The following MAN2A1 variants were observed in gnomAD, a reference collection of about 807,000 sequenced individuals.
MAN2A1 encodes the protein alpha-mannosidase 2.
In MAN2A1, 76 loss-of-function variants were observed where a neutral mutation model predicts 142.6. The observed-to-expected ratio is 0.53, with a 90% CI of 0.44 to 0.65. The LOEUF (loss-of-function observed/expected upper bound fraction) is 0.65. Ranked by LOEUF, MAN2A1 falls within the 30% of genes least tolerant of loss-of-function variation. The pLI is 0.00. For synonymous variants in MAN2A1, 559 were observed against 473.2 expected (o/e 1.18, Z -2.35); for missense variants, 1,311 against 1,365.1 (o/e 0.96, Z 0.62).
At chr5:109,864,274 T>G (rs1008159246) in intron 20 of MAN2A1, 1 of 152,222 alleles carries the variant, frequency 6.6e-6, no homozygotes, top group Non-Finnish European at 1.5e-5. Context: ...CAAAATTTAT[T>G]AAGATAATTG....
At chr5:109,813,997 G>T (rs17162292) in intron 12 of MAN2A1, among the ~76,000 whole-genome samples, 12,833 of 152,156 alleles carry the variant, frequency 0.084, 639 homozygotes, top group African/African-American at 0.15. Flanking sequence ...GTTTTTCCTT[G>T]TATATGGAGA....
chr5:109,866,842 T>A lies in MAN2A1; in HGVS notation c.3283-4T>A. The A allele has an allele frequency of 6.3e-7, 1 of 1,588,780 alleles. No homozygotes were observed. Among genetic ancestry groups the A allele is most frequent in the South Asian group, 1.1e-5 (1 of 88,278 alleles). ...ATATGTAAATTTTATCATTTACTTTTCAGATATTGGTACAGAAACTTTTAA... is the reference window on the plus strand; with the variant it reads ...ATATGTAAATTTTATCATTTACTTTACAGATATTGGTACAGAAACTTTTAA... On this transcript the variant is annotated splice_region_variant and splice_polypyrimidine_tract_variant and intron_variant, in intron 21 of 21. Transcript: ENST00000261483.
intron 5 of MAN2A1, among the ~76,000 whole-genome samples, chr5:109,762,207 A>G (rs980510873): frequency 6.6e-6 from 1 of 152,092 alleles, no homozygotes; most frequent in Non-Finnish European, 1.5e-5. Flanking sequence ...CTTCTCTACA[A>G]CTTTTGTATC....
intron 12 of MAN2A1, among the ~76,000 whole-genome samples, chr5:109,803,814 T>C (rs902299968): frequency 1.3e-5 from 2 of 152,124 alleles, no homozygotes; most frequent in African/African-American, 4.8e-5. Flanking sequence ...GCTATTGCTG[T>C]AGCACCAACA....
chr5:109,744,562 A>G (rs1441937973), intron 4 of MAN2A1, among the ~76,000 whole-genome samples: 1 of 152,148 alleles, frequency 6.6e-6, no homozygotes, highest in East Asian at 1.9e-4. Context: ...CAAAACTTCT[A>G]GAAGATACTG....
intron 4 of MAN2A1, among the ~76,000 whole-genome samples, chr5:109,743,096 T>TGTCCTCTTTTG (rs998990386): frequency 3.9e-5 from 6 of 152,318 alleles, no homozygotes; most frequent in Admixed American, 3.3e-4. Flanking sequence ...CTCGAAATTC[T>TGTCCTCTTTTG]GTCCTCTTTT....
chr5:109,844,477 CTTTT>C (rs942342052), intron 17 of MAN2A1, among the ~76,000 whole-genome samples: 1 of 145,142 alleles, frequency 6.9e-6, no homozygotes, highest in Non-Finnish European at 1.5e-5. Flanking sequence ...GGTAGCTTTA[CTTTT>C]TTTTTTTTCT....
chr5:109,739,168 A>AT lies in MAN2A1; in HGVS notation c.707+9664dup, dbSNP rs879820746. On this transcript the variant is annotated intron_variant, in intron 4 of 21. Transcript: ENST00000261483. Reference sequence around the variant, plus strand: ...GTATAATGGGAAGATTTTAACTGTAATTTTTTTTTCTCTTCTCTCTTAAAG... The same window carrying AT: ...GTATAATGGGAAGATTTTAACTGTAATTTTTTTTTTCTCTTCTCTCTTAAAG... Among the ~76,000 whole-genome samples, 9 of 151,226 alleles carry AT rather than the reference A, an allele frequency of 6.0e-5. No homozygotes were observed. In the East Asian group the frequency reaches 9.7e-4, roughly 16 times the overall value.
At chr5:109,806,432 A>C (rs1166053382) in intron 12 of MAN2A1, among the ~76,000 whole-genome samples, 1 of 152,210 alleles carries the variant, frequency 6.6e-6, no homozygotes, top group Non-Finnish European at 1.5e-5. Flanking sequence ...CATAGCTGCT[A>C]AGATTACCAT....
At chr5:109,842,269 C>A in intron 16 of MAN2A1, 59 bp from the exon 17 acceptor site, 1 of 1,198,996 alleles carries the variant, frequency 8.3e-7, no homozygotes. Context: ...TAGTATATTT[C>A]AAAAAGGTGA....
At chr5:109,744,984 CAGA>C (rs1331649719) in intron 4 of MAN2A1, among the ~76,000 whole-genome samples, 1 of 152,040 alleles carries the variant, frequency 6.6e-6, no homozygotes, top group Non-Finnish European at 1.5e-5. Flanking sequence ...AAATGTTCAG[CAGA>C]AGAAGAGAGA....
intron 4 of MAN2A1, among the ~76,000 whole-genome samples, chr5:109,735,143 T>G (rs1201297044): frequency 2.6e-5 from 4 of 152,204 alleles, no homozygotes; most frequent in Admixed American, 1.3e-4. Flanking sequence ...TCTTTGTCTC[T>G]TTTGATCTTT....
intron 16 of MAN2A1, among the ~76,000 whole-genome samples, chr5:109,832,166 T>C (rs1238918975): frequency 6.9e-6 from 1 of 144,166 alleles, no homozygotes; most frequent in Non-Finnish European, 1.5e-5. Context: ...GTTTTCTTTT[T>C]TTTTTTTTTT....
At chr5:109,758,335 G>T (rs957047778) in intron 5 of MAN2A1, among the ~76,000 whole-genome samples, 2 of 151,928 alleles carry the variant, frequency 1.3e-5, no homozygotes, top group Non-Finnish European at 2.9e-5. Flanking sequence ...AAGGATAAAT[G>T]TCTATTCTAA....
chr5:109,846,669 T>C (rs1755351878), intron 18 of MAN2A1, among the ~76,000 whole-genome samples: 1 of 152,200 alleles, frequency 6.6e-6, no homozygotes, highest in Admixed American at 6.5e-5. Flanking sequence ...TTGGTAGAGA[T>C]ACATATCTGA....
At chr5:109,811,550 A>G (rs556008484) in intron 12 of MAN2A1, among the ~76,000 whole-genome samples, 7 of 148,430 alleles carry the variant, frequency 4.7e-5, no homozygotes, top group Non-Finnish European at 1.0e-4. Context: ...GGTCTCCTGA[A>G]GATTGTTAAT....
At chr5:109,833,527 A>G (rs2112745762) in intron 16 of MAN2A1, among the ~76,000 whole-genome samples, 1 of 152,242 alleles carries the variant, frequency 6.6e-6, no homozygotes, top group East Asian at 1.9e-4. Flanking sequence ...AAAACCAGTC[A>G]GGCGTGGAGG....
At chr5:109,849,228 C>T (rs1184496868) in intron 19 of MAN2A1, among the ~76,000 whole-genome samples, 1 of 152,180 alleles carries the variant, frequency 6.6e-6, no homozygotes, top group Non-Finnish European at 1.5e-5. Flanking sequence ...CCTTGGCAAT[C>T]TCTTCTACTC....
intron 3 of MAN2A1, among the ~76,000 whole-genome samples, chr5:109,719,144 T>G (rs575368579): frequency 1.3e-5 from 2 of 152,308 alleles, no homozygotes; most frequent in African/African-American, 4.8e-5. Context: ...TGAGTAGACA[T>G]CCCTAGTAAG....
Sources: gnomAD v4.1 joint callset for allele counts (sites outside exome capture counted in the v4.1 genomes callset) on GRCh38, gnomAD v4.1.1 for gene constraint, MANE v1.5 for transcripts, NCBI Gene and HGNC (gene_info 2026-07-23, HGNC 2026-07-21) for gene names.